Variants in PTPRN2 observed in about 807,000 individuals in gnomAD.
PTPRN2 encodes the protein protein tyrosine phosphatase receptor type N2, also known as receptor-type tyrosine-protein phosphatase N2.
Under a neutral mutation model 118.8 loss-of-function variants are expected in PTPRN2, and 74 were observed. The observed-to-expected ratio is 0.62, with a 90% CI of 0.52 to 0.76. PTPRN2 has a LOEUF of 0.76. Ranked by LOEUF, PTPRN2 falls within the 30% of genes least tolerant of loss-of-function variation. The probability of loss-of-function intolerance (pLI) is 0.00; values close to 1 mark genes in which losing one functional copy is unlikely to be tolerated. For synonymous variants in PTPRN2, 641 were observed against 608.0 expected (o/e 1.05, Z -0.80); for missense variants, 1,481 against 1,394.4 (o/e 1.06, Z -0.99).
At position 158,314,593 on chromosome 7, in the gene PTPRN2, G is replaced by A. The variant is rs186334537; in HGVS notation, c.277+2226C>T. Among the ~76,000 whole-genome samples, 29 of 152,384 alleles carry A rather than the reference G, an allele frequency of 1.9e-4. 1 individual carries two copies. The East Asian group carries it at 3.1e-3, about 16-fold the overall frequency. On this transcript the variant is annotated intron_variant, in intron 3 of 22. Transcript: ENST00000389418. ...GGCCCAAGCCGCCCTGGAGGCTCCC[G>A]TGGGGAAAGGGCTCAGGAGTCCAGT...
chr7:157,804,557 C>T (rs77357939), intron 12 of PTPRN2, among the ~76,000 whole-genome samples: 1,598 of 149,070 alleles, frequency 0.011, 37 homozygotes, highest in African/African-American at 0.039. Flanking sequence ...GTAACTGCAG[C>T]TGCTCCAGAG....
At chr7:157,600,419 G>T (rs1021864970) in intron 16 of PTPRN2, among the ~76,000 whole-genome samples, 2 of 152,222 alleles carry the variant, frequency 1.3e-5, no homozygotes, top group African/African-American at 4.8e-5. Context: ...TAATCAATGG[G>T]AGATTGACTT....
At chr7:158,532,170 A>T (rs1354555383) in intron 1 of PTPRN2, among the ~76,000 whole-genome samples, 1 of 152,242 alleles carries the variant, frequency 6.6e-6, no homozygotes, top group Non-Finnish European at 1.5e-5. Flanking sequence ...GGAGGTGCAG[A>T]CCGCTTCAGG....
chr7:158,342,470 GAGCTGACACCTGCAGACGTCACTCAAAC>G lies in PTPRN2; in HGVS notation c.164-25566_164-25539del, dbSNP rs1434303186. On this transcript the variant is annotated intron_variant, in intron 2 of 22. Coordinates refer to ENST00000389418, the MANE Select transcript of PTPRN2 (RefSeq NM_002847.5). ...ACTCACACCCACACTCTCACCATAA[GAGCTGACACCTGCAGACGTCACTCAAAC>G]CCACACTCTCACCATAAGAGCTGAC... Among the ~76,000 whole-genome samples, 28 of 77,548 alleles carry G rather than the reference GAGCTGACACCTGCAGACGTCACTCAAAC, an allele frequency of 3.6e-4. 2 individuals carry two copies. Among genetic ancestry groups the G allele is most frequent in the Middle Eastern group, 7.4e-3 (1 of 136 alleles). The allele number at this position is 77,548 out of a possible 152,430, so 50.9% of individuals were successfully genotyped here. A position where few individuals can be genotyped will look rare whatever the true frequency, so the allele number is the denominator to read the frequency against.
intron 18 of PTPRN2, 36 bp downstream of exon 18, chr7:157,577,985 G>T: frequency 6.5e-7 from 1 of 1,542,070 alleles, no homozygotes; most frequent in Non-Finnish European, 8.8e-7. Context: ...TCGTCCGGCT[G>T]GTGGGTCCTG....
chr7:157,662,505 G>C (rs568868611), intron 13 of PTPRN2, among the ~76,000 whole-genome samples: 1 of 152,204 alleles, frequency 6.6e-6, no homozygotes, highest in South Asian at 2.1e-4. Flanking sequence ...TTGGGCGTTC[G>C]TGGGAAGGGG....
intron 2 of PTPRN2, among the ~76,000 whole-genome samples, chr7:158,400,620 G>C (rs1221047258): frequency 6.6e-6 from 1 of 152,150 alleles, no homozygotes; most frequent in Non-Finnish European, 1.5e-5. Context: ...TCCTTGGGGT[G>C]AAAGTGAGGG....
intron 3 of PTPRN2, among the ~76,000 whole-genome samples, chr7:158,274,776 C>T (rs901322118): frequency 1.3e-5 from 2 of 152,212 alleles, no homozygotes; most frequent in African/African-American, 2.4e-5. Flanking sequence ...TGGCCACACA[C>T]AGGGAGCCTG....
At chr7:158,571,534 T>C (rs1037997386) in intron 1 of PTPRN2, among the ~76,000 whole-genome samples, 2 of 144,060 alleles carry the variant, frequency 1.4e-5, no homozygotes, top group Non-Finnish European at 3.0e-5. Context: ...TCTTTTTTTT[T>C]TTTTTTTTTT....
At chr7:158,486,548 T>G (rs949592606) in intron 2 of PTPRN2, among the ~76,000 whole-genome samples, 1 of 152,250 alleles carries the variant, frequency 6.6e-6, no homozygotes, top group African/African-American at 2.4e-5. Context: ...TGCTTTATCT[T>G]AAGCTTTCTC....
intron 12 of PTPRN2, among the ~76,000 whole-genome samples, chr7:157,804,556 G>A (rs1022078589): frequency 3.4e-5 from 5 of 148,880 alleles, no homozygotes; most frequent in South Asian, 2.1e-4. Flanking sequence ...TGTAACTGCA[G>A]CTGCTCCAGA....
intron 2 of PTPRN2, among the ~76,000 whole-genome samples, chr7:158,359,092 C>T (rs911348096): frequency 8.5e-5 from 13 of 152,304 alleles, no homozygotes; most frequent in African/African-American, 3.1e-4. Context: ...AATCCAACCA[C>T]AGGAAGGCAG....
intron 11 of PTPRN2, among the ~76,000 whole-genome samples, chr7:157,938,150 C>T (rs1384424005): frequency 1.3e-5 from 2 of 152,326 alleles, no homozygotes; most frequent in East Asian, 1.9e-4. Context: ...GTGGGCCCCC[C>T]GCATGGTGCT....
intron 12 of PTPRN2, among the ~76,000 whole-genome samples, chr7:157,886,599 G>A (rs777945088): frequency 6.6e-6 from 1 of 152,228 alleles, no homozygotes; most frequent in Non-Finnish European, 1.5e-5. Flanking sequence ...AATTCCAGGA[G>A]GAAAAGATGT....
At chr7:158,312,365 CATGCACACAT>C (rs1281154460) in intron 3 of PTPRN2, among the ~76,000 whole-genome samples, 3 of 143,130 alleles carry the variant, frequency 2.1e-5, no homozygotes, top group African/African-American at 9.0e-5. Flanking sequence ...GACACACACA[CATGCACACAT>C]GCACACATAC....
chr7:158,027,131 G>A (rs73527312), intron 11 of PTPRN2, among the ~76,000 whole-genome samples: 67 of 152,250 alleles, frequency 4.4e-4, no homozygotes, highest in African/African-American at 7.5e-4. Context: ...AGGCAGAGCC[G>A]GCCCCTGTGG....
intron 3 of PTPRN2, among the ~76,000 whole-genome samples, chr7:158,297,282 T>A (rs1563101463): frequency 6.6e-6 from 1 of 152,274 alleles, no homozygotes; most frequent in Non-Finnish European, 1.5e-5. Context: ...TTTCAGCCGT[T>A]CTGTCCTGGT....
chr7:157,642,814 CAAAAAAAAAAAAAA>C (rs11335302), intron 14 of PTPRN2, among the ~76,000 whole-genome samples: 2,059 of 24,316 alleles, frequency 0.085, 105 homozygotes, highest in African/African-American at 0.21. Context: ...CAAGAAACAG[CAAAAAAAAAAAAAA>C]AAAAAAAAAA....
intron 12 of PTPRN2, among the ~76,000 whole-genome samples, chr7:157,687,479 TTA>T (rs1189495808): frequency 6.6e-6 from 1 of 152,250 alleles, no homozygotes; most frequent in Non-Finnish European, 1.5e-5. Flanking sequence ...TCGGTGCCAG[TTA>T]ATGTTAAACT....
Sources: allele counts gnomAD v4.1 joint callset (sites outside exome capture counted in the v4.1 genomes callset), GRCh38; gene constraint gnomAD v4.1.1; transcripts MANE v1.5; gene names NCBI Gene and HGNC (gene_info 2026-07-23, HGNC 2026-07-21).